The following CSMD3 variants were observed in gnomAD, a reference collection of about 807,000 sequenced individuals.
CSMD3 encodes the protein CUB and sushi domain-containing protein 3.
In CSMD3, 177 loss-of-function variants were observed where a neutral mutation model predicts 435.2. The observed-to-expected ratio is 0.41, with a 90% CI of 0.36 to 0.46. CSMD3 has a LOEUF of 0.46. CSMD3 is among the 20% of genes least tolerant of loss of function. The probability of loss-of-function intolerance (pLI) is 0.34; values close to 1 mark genes in which losing one functional copy is unlikely to be tolerated. For synonymous variants in CSMD3, 1,656 were observed against 1,520.5 expected, an observed-to-expected ratio of 1.09 and a Z score of -2.07; for missense variants, 4,265 against 4,504.6, an observed-to-expected ratio of 0.95 and a Z score of 1.52.
intron 45 of CSMD3, among the ~76,000 whole-genome samples, chr8:112,334,265 T>C (rs1824360547): frequency 6.6e-6 from 1 of 152,178 alleles, no homozygotes; most frequent in African/African-American, 2.4e-5. Flanking sequence ...AGTGCTCAAA[T>C]TAAGCAACTC....
At chr8:112,981,102 A>T (rs531465694) in intron 6 of CSMD3, among the ~76,000 whole-genome samples, 1 of 151,662 alleles carries the variant, frequency 6.6e-6, no homozygotes, top group African/African-American at 2.4e-5. Flanking sequence ...TTTGATTTCA[A>T]ATTAAAATGC....
At chr8:112,614,452 C>T (rs1178025997) in intron 22 of CSMD3, among the ~76,000 whole-genome samples, 3 of 151,974 alleles carry the variant, frequency 2.0e-5, no homozygotes, top group Admixed American at 6.6e-5. Context: ...GAACCCCACC[C>T]GGTATACTGT....
chr8:113,123,016 A>C (rs1212679186), intron 4 of CSMD3, among the ~76,000 whole-genome samples: 1 of 151,964 alleles, frequency 6.6e-6, no homozygotes, highest in Non-Finnish European at 1.5e-5. Context: ...AACTTAGCTG[A>C]CCAACATTTT....
rs780422385 is a variant in CSMD3, at chr8:112,534,322, T to TA, written c.4564+16348dup. Among the ~76,000 whole-genome samples the TA allele has an allele frequency of 1.1e-3, 169 of 151,770 alleles. 1 individual carries two copies. The highest frequency in any genetic ancestry group is 3.3e-3 in the South Asian group (16 of 4,796). On this transcript the variant is annotated intron_variant, in intron 27 of 70. Transcript: ENST00000297405. Reference sequence around the variant, plus strand: ...AGAGAGAAGAATCAAACAGACACAATAAAAAATGATAAAGGGGATATCACC... The same window carrying TA: ...AGAGAGAAGAATCAAACAGACACAATAAAAAAATGATAAAGGGGATATCACC...
chr8:112,801,725 C>A (rs939073827), intron 12 of CSMD3, among the ~76,000 whole-genome samples: 1 of 151,830 alleles, frequency 6.6e-6, no homozygotes, highest in African/African-American at 2.4e-5. Flanking sequence ...GAGGCAGGTG[C>A]AGGTTTATGG....
chr8:112,383,530 T>C (rs779491431), intron 37 of CSMD3, 37 bp downstream of exon 37: 9 of 1,106,978 alleles, frequency 8.1e-6, no homozygotes, highest in Non-Finnish European at 2.8e-6. Flanking sequence ...TTCCTAATTA[T>C]ATCTGTATTT....
intron 3 of CSMD3, among the ~76,000 whole-genome samples, chr8:113,203,887 A>G (rs931151144): frequency 6.6e-6 from 1 of 152,034 alleles, no homozygotes; most frequent in African/African-American, 2.4e-5. Flanking sequence ...TCCTCTTTTC[A>G]TAAGTATGCA....
intron 3 of CSMD3, among the ~76,000 whole-genome samples, chr8:113,207,882 T>A (rs1364174446): frequency 6.6e-6 from 1 of 152,180 alleles, no homozygotes; most frequent in Non-Finnish European, 1.5e-5. Context: ...GGACACCTGC[T>A]ACTTAACAAT....
intron 4 of CSMD3, among the ~76,000 whole-genome samples, chr8:113,171,758 T>C (rs1194376214): frequency 6.6e-6 from 1 of 152,198 alleles, no homozygotes; most frequent in Admixed American, 6.5e-5. Flanking sequence ...CATTTCTCCA[T>C]TGAATGCTCA....
At chr8:112,924,393 G>T (rs1034925889) in intron 9 of CSMD3, among the ~76,000 whole-genome samples, 1 of 152,052 alleles carries the variant, frequency 6.6e-6, no homozygotes, top group Non-Finnish European at 1.5e-5. Context: ...CTGGCCCATA[G>T]GATTCATTTA....
At chr8:112,574,390 A>G (rs1223176709) in intron 23 of CSMD3, among the ~76,000 whole-genome samples, 8 of 152,046 alleles carry the variant, frequency 5.3e-5, no homozygotes, top group Non-Finnish European at 1.0e-4. Flanking sequence ...TAATGAACTC[A>G]AGTTTTTGCC....
rs200637140 is a variant in CSMD3, at chr8:112,952,744, A to G, written c.1420+1940T>C. On this transcript the variant is annotated intron_variant, in intron 8 of 70. Coordinates refer to ENST00000297405, the MANE Select transcript of CSMD3 (RefSeq NM_198123.2). Reference sequence around the variant, plus strand: ...ACCAAGAGTATTTAAAAAGATTTTTATAGAAAATACAATGAATAAATGCAA... The same window carrying G: ...ACCAAGAGTATTTAAAAAGATTTTTGTAGAAAATACAATGAATAAATGCAA... 2.0e-4 allele frequency among the ~76,000 whole-genome samples: 31 copies of G among 151,760 alleles called. No individual in the cohort carries two copies. The East Asian group carries it at 5.4e-3, about 26-fold the overall frequency.
intron 47 of CSMD3, among the ~76,000 whole-genome samples, chr8:112,317,895 G>T (rs991410320): frequency 2.0e-5 from 3 of 151,980 alleles, no homozygotes; most frequent in Admixed American, 2.0e-4. Context: ...ACCTAAAGAA[G>T]GAATTAATCC....
At position 112,580,027 on chromosome 8, in the gene CSMD3, C is replaced by T. The variant is rs183672484; in HGVS notation, c.3886-6370G>A. 2.4e-3 allele frequency among the ~76,000 whole-genome samples: 367 copies of T among 152,020 alleles called. 2 individuals carry two copies. Among genetic ancestry groups the T allele is most frequent in the African/African-American group, 8.5e-3 (355 of 41,522 alleles). On this transcript the variant is annotated intron_variant, in intron 23 of 70. Transcript: ENST00000297405. ...CTTTTCCAAAGAATAAAGGAATGCC[C>T]TGCTACATTCCTTTATTCTGAACAT...
At chr8:112,533,281 T>C (rs552457538) in intron 27 of CSMD3, among the ~76,000 whole-genome samples, 2 of 152,090 alleles carry the variant, frequency 1.3e-5, no homozygotes, top group South Asian at 4.2e-4. Context: ...CTATCAATAA[T>C]GGCATTGAAT....
At chr8:112,875,644 G>C (rs2081261506) in intron 10 of CSMD3, among the ~76,000 whole-genome samples, 1 of 151,726 alleles carries the variant, frequency 6.6e-6, no homozygotes, top group Non-Finnish European at 1.5e-5. Context: ...CTCTAATCTT[G>C]TCTTCATGCT....
chr8:113,205,919 T>A (rs1223062949), intron 3 of CSMD3, among the ~76,000 whole-genome samples: 1 of 152,222 alleles, frequency 6.6e-6, no homozygotes, highest in Non-Finnish European at 1.5e-5. Flanking sequence ...GTTATAATCA[T>A]CTTTTTTTTT....
intron 6 of CSMD3, among the ~76,000 whole-genome samples, chr8:112,993,451 T>C (rs1458496128): frequency 6.6e-6 from 1 of 151,860 alleles, no homozygotes; most frequent in Non-Finnish European, 1.5e-5. Flanking sequence ...CGTTGGATTC[T>C]TTATTGAATT....
chr8:112,766,106 C>G (rs572372777), intron 13 of CSMD3, among the ~76,000 whole-genome samples: 1 of 151,788 alleles, frequency 6.6e-6, no homozygotes, highest in African/African-American at 2.4e-5. Context: ...GGTCTCACTT[C>G]TCTCTACTCT....
Sources: gnomAD v4.1 joint callset for allele counts (sites outside exome capture counted in the v4.1 genomes callset) on GRCh38, gnomAD v4.1.1 for gene constraint, MANE v1.5 for transcripts, NCBI Gene and HGNC (gene_info 2026-07-23, HGNC 2026-07-21) for gene names.